CDC42SE2: variants seen among roughly 807,000 people sequenced by gnomAD.
CDC42SE2 encodes CDC42 small effector 2.
CDC42SE2 carries 3 observed loss-of-function variants against 11.5 expected under a neutral mutation model. That is an observed-to-expected ratio of 0.26 (90% CI 0.12 to 0.67). The LOEUF (loss-of-function observed/expected upper bound fraction) is 0.67. Ranked by LOEUF, CDC42SE2 falls within the 30% of genes least tolerant of loss-of-function variation. The probability of loss-of-function intolerance (pLI) is 0.80; values close to 1 mark genes in which losing one functional copy is unlikely to be tolerated. For synonymous variants in CDC42SE2, 33 were observed against 34.8 expected (o/e 0.95, Z 0.18); for missense variants, 82 against 106.8 (o/e 0.77, Z 1.02).
upstream of CDC42SE2, among the ~76,000 whole-genome samples, chr5:131,241,444 A>G (rs201948234): frequency 2.2e-4 from 33 of 151,940 alleles, no homozygotes; most frequent in East Asian, 6.4e-3. Flanking sequence ...TCTTTTTTCT[A>G]TTAATTATCA....
At chr5:131,250,032 C>T (rs1756627854) in intron 1 of CDC42SE2, among the ~76,000 whole-genome samples, 1 of 152,058 alleles carries the variant, frequency 6.6e-6, no homozygotes. Context: ...TAAACAACAA[C>T]AAAAACAGAA....
intron 1 of CDC42SE2, among the ~76,000 whole-genome samples, chr5:131,273,229 C>A (rs1757030526): frequency 2.0e-5 from 3 of 147,384 alleles, no homozygotes; most frequent in African/African-American, 7.4e-5. Flanking sequence ...GATCTTGGCT[C>A]ACTGCAACCT....
chr5:131,377,915 T>C (rs759192515), intron 3 of CDC42SE2, among the ~76,000 whole-genome samples: 34 of 152,252 alleles, frequency 2.2e-4, no homozygotes, highest in South Asian at 6.2e-4. Context: ...ACAAACAATT[T>C]TTAGAGAACT....
intron 1 of CDC42SE2, among the ~76,000 whole-genome samples, chr5:131,271,391 A>G (rs1756992805): frequency 6.6e-6 from 1 of 152,198 alleles, no homozygotes; most frequent in African/African-American, 2.4e-5. Flanking sequence ...AAGTATTTAA[A>G]AAGAAAAAAC....
chr5:131,285,006 G>C (rs902403653), intron 1 of CDC42SE2, among the ~76,000 whole-genome samples: 1 of 151,658 alleles, frequency 6.6e-6, no homozygotes, highest in Non-Finnish European at 1.5e-5. Context: ...ACAAAACCCA[G>C]ACCAGGCACA....
intron 2 of CDC42SE2, among the ~76,000 whole-genome samples, chr5:131,348,846 C>A (rs1253780413): frequency 6.6e-6 from 1 of 152,108 alleles, no homozygotes; most frequent in African/African-American, 2.4e-5. Flanking sequence ...CACATCTACA[C>A]CCATCTGATC....
intron 2 of CDC42SE2, among the ~76,000 whole-genome samples, chr5:131,256,668 G>C (rs994673542): frequency 2.6e-5 from 4 of 152,172 alleles, no homozygotes; most frequent in African/African-American, 9.7e-5. Context: ...CTGAGGTTCT[G>C]TTTCCTTACT....
At chr5:131,282,220 A>T (rs1289996066) in intron 1 of CDC42SE2, among the ~76,000 whole-genome samples, 1 of 152,222 alleles carries the variant, frequency 6.6e-6, no homozygotes, top group Non-Finnish European at 1.5e-5. Flanking sequence ...AAGAAAGTCC[A>T]TTTCTACATT....
intron 2 of CDC42SE2, among the ~76,000 whole-genome samples, chr5:131,348,671 C>T (rs1475991520): frequency 6.6e-6 from 1 of 152,136 alleles, no homozygotes; most frequent in Non-Finnish European, 1.5e-5. Flanking sequence ...CGAAAAAGAG[C>T]CTGCATTGCC....
intron 3 of CDC42SE2, among the ~76,000 whole-genome samples, chr5:131,385,058 C>T (rs967500005): frequency 6.6e-6 from 1 of 152,126 alleles, no homozygotes; most frequent in Admixed American, 6.5e-5. Flanking sequence ...CCCACCTCCA[C>T]CCCCTCCAGC....
the CDC42SE2 span, among the ~76,000 whole-genome samples, chr5:131,234,243 G>T: frequency 6.6e-6 from 1 of 152,200 alleles, no homozygotes; most frequent in Non-Finnish European, 1.5e-5. Context: ...GATAGGTAAA[G>T]AATTCATCTT....
intron 2 of CDC42SE2, among the ~76,000 whole-genome samples, chr5:131,333,709 A>G (rs1459078895): frequency 2.0e-5 from 3 of 151,936 alleles, no homozygotes; most frequent in Non-Finnish European, 4.4e-5. Context: ...ATTCCTAGGT[A>G]TTTTATTCTC....
chr5:131,349,464 A>G (rs546667174), intron 2 of CDC42SE2, among the ~76,000 whole-genome samples: 1 of 152,230 alleles, frequency 6.6e-6, no homozygotes, highest in South Asian at 2.1e-4. Flanking sequence ...CGTTGTGCTC[A>G]TGTACACTAG....
intron 2 of CDC42SE2, among the ~76,000 whole-genome samples, chr5:131,348,888 G>A (rs1413861288): frequency 6.6e-6 from 1 of 152,182 alleles, no homozygotes; most frequent in African/African-American, 2.4e-5. Flanking sequence ...AAGAAATGGG[G>A]AAAGGATTCC....
chr5:131,276,728 A>ATTT, intron 1 of CDC42SE2, among the ~76,000 whole-genome samples: 1 of 126,778 alleles, frequency 7.9e-6, no homozygotes, highest in Non-Finnish European at 1.7e-5. Context: ...GACCATTAGA[A>ATTT]TTTTTTTTTT....
At chr5:131,247,385 G>T (rs1013764547) in intron 1 of CDC42SE2, among the ~76,000 whole-genome samples, 18 of 152,132 alleles carry the variant, frequency 1.2e-4, no homozygotes, top group Non-Finnish European at 5.9e-5. Flanking sequence ...TTGGGAGGCC[G>T]AGGCGAGTGG....
intron 2 of CDC42SE2, among the ~76,000 whole-genome samples, chr5:131,349,850 AT>A (rs1395947105): frequency 6.6e-6 from 1 of 152,246 alleles, no homozygotes; most frequent in East Asian, 1.9e-4. Flanking sequence ...CAAATAAAAA[AT>A]TTAATATACT....
At chr5:131,217,632 T>C in the CDC42SE2 span, among the ~76,000 whole-genome samples, 1 of 152,068 alleles carries the variant, frequency 6.6e-6, no homozygotes, top group Admixed American at 6.6e-5. Context: ...AAGGAAAACA[T>C]GGGAAAATAT....
intron 1 of CDC42SE2, among the ~76,000 whole-genome samples, chr5:131,296,932 G>A (rs1317709066): frequency 6.6e-6 from 1 of 151,858 alleles, no homozygotes; most frequent in East Asian, 1.9e-4. Context: ...CTTGTGGGGA[G>A]AAAAGACCAC....
Sources: allele counts gnomAD v4.1 joint callset (sites outside exome capture counted in the v4.1 genomes callset), GRCh38; gene constraint gnomAD v4.1.1; transcripts MANE v1.5; gene names NCBI Gene and HGNC (gene_info 2026-07-23, HGNC 2026-07-21).